The following SEMA3C variants were observed in gnomAD, a reference collection of about 807,000 sequenced individuals.
SEMA3C encodes the protein semaphorin-3C.
Under a neutral mutation model 89.4 loss-of-function variants are expected in SEMA3C, and 47 were observed. That is an observed-to-expected ratio of 0.53 (90% CI 0.42 to 0.67). The LOEUF (loss-of-function observed/expected upper bound fraction) is 0.67. SEMA3C is among the 30% of genes least tolerant of loss of function. The pLI is 0.00. For missense variants in SEMA3C, 839 were observed against 929.1 expected (o/e 0.90, Z 1.26); for synonymous variants, 310 against 320.2 (o/e 0.97, Z 0.34).
intron 5 of SEMA3C, among the ~76,000 whole-genome samples, chr7:80,815,372 G>A (rs1216528592): frequency 6.6e-6 from 1 of 151,892 alleles, no homozygotes; most frequent in East Asian, 1.9e-4. Flanking sequence ...GTGTAGGAGT[G>A]AAATATTAGA....
At position 80,865,269 on chromosome 7, in the gene SEMA3C, T is replaced by C. The variant is rs1003265653; in HGVS notation, c.104-36524A>G. On this transcript the variant is annotated intron_variant, in intron 2 of 17. Coordinates refer to ENST00000265361, the MANE Select transcript of SEMA3C (RefSeq NM_006379.5). ...CTGTATCTGTCAGAGATACAGAAAC[T>C]TTTTTTTAAAGCTTCACTCCTATGT... 5.6e-4 allele frequency among the ~76,000 whole-genome samples: 85 copies of C among 152,054 alleles called. 1 individual carries two copies. The highest frequency in any genetic ancestry group is 9.8e-4 in the Admixed American group (15 of 15,254).
intron 2 of SEMA3C, among the ~76,000 whole-genome samples, chr7:80,841,446 G>C (rs1335429491): frequency 1.3e-5 from 2 of 152,074 alleles, no homozygotes; most frequent in African/African-American, 4.8e-5. Context: ...TCAAGAATCA[G>C]GCTATGCAAA....
chr7:80,797,774 C>T (rs62460721), intron 11 of SEMA3C, among the ~76,000 whole-genome samples: 376 of 152,132 alleles, frequency 2.5e-3, no homozygotes, highest in Non-Finnish European at 4.4e-3. Context: ...CCAAGGCGGG[C>T]GGATCACGAG....
chr7:80,747,657 G>T (rs1253797647), intron 17 of SEMA3C, among the ~76,000 whole-genome samples: 1 of 152,040 alleles, frequency 6.6e-6, no homozygotes, highest in Non-Finnish European at 1.5e-5. Context: ...GAAATGTCAA[G>T]ACTTCTTTGA....
rs541297055 is a variant in SEMA3C at position 80,784,818 on chromosome 7, T to G, written c.1354+4488A>C. Among the ~76,000 whole-genome samples, 65 of 152,300 alleles carry G rather than the reference T, an allele frequency of 4.3e-4. 1 individual carries two copies. In the South Asian group the frequency reaches 8.7e-3, roughly 20 times the overall value. On this transcript the variant is annotated intron_variant, in intron 12 of 17. Coordinates refer to ENST00000265361, the MANE Select transcript of SEMA3C (RefSeq NM_006379.5). ...AATCTTCACTGCTCATGAGATATTC[T>G]GCTTTTTACTTTTTCAACCACTTAA...
At chr7:80,755,402 A>G (rs1223845947) in intron 15 of SEMA3C, among the ~76,000 whole-genome samples, 2 of 148,996 alleles carry the variant, frequency 1.3e-5, no homozygotes, top group Non-Finnish European at 3.0e-5. Context: ...GACAGTCTAT[A>G]TACAGTATGG....
intron 2 of SEMA3C, among the ~76,000 whole-genome samples, chr7:80,910,096 C>T (rs1052003151): frequency 2.0e-5 from 3 of 152,140 alleles, no homozygotes; most frequent in African/African-American, 7.2e-5. Context: ...TCTATACAAG[C>T]ACTGCTCATA....
intron 6 of SEMA3C, among the ~76,000 whole-genome samples, chr7:80,807,482 A>C (rs1461276511): frequency 6.6e-6 from 1 of 152,228 alleles, no homozygotes; most frequent in African/African-American, 2.4e-5. Flanking sequence ...TATATCAATA[A>C]GAAATTTTTG....
At chr7:80,813,645 C>T (rs1789525803) in intron 5 of SEMA3C, among the ~76,000 whole-genome samples, 1 of 152,132 alleles carries the variant, frequency 6.6e-6, no homozygotes. Flanking sequence ...TTCATCTTAT[C>T]TCGTCTTTTT....
chr7:80,852,714 T>C lies in SEMA3C; in HGVS notation c.104-23969A>G, dbSNP rs1208893473. ...TTTTTTTTGAGACAGAGTCTTACAC[T>C]GTTGCCCAGGCTAGAGTGCAGTGGC... is the stretch of plus-strand genomic sequence containing the variant. On this transcript the variant is annotated intron_variant, in intron 2 of 17. Transcript: ENST00000265361. 4.0e-5 allele frequency among the ~76,000 whole-genome samples: 6 copies of C among 148,898 alleles called. No homozygotes were observed. The Admixed American group carries it at 4.1e-4, about 10-fold the overall frequency.
chr7:80,760,194 C>CAAAAAG (rs1788154145), intron 14 of SEMA3C, among the ~76,000 whole-genome samples: 1 of 152,252 alleles, frequency 6.6e-6, no homozygotes, highest in East Asian at 1.9e-4. Context: ...TTATCCTTGC[C>CAAAAAG]TTGAATCTCA....
chr7:80,756,127 T>C lies in SEMA3C; in HGVS notation c.1643+2204A>G, dbSNP rs79622788. On this transcript the variant is annotated intron_variant, in intron 15 of 17. Coordinates refer to ENST00000265361, the MANE Select transcript of SEMA3C (RefSeq NM_006379.5). ...TCAATATCCGTGTGTGAACATCTTA[T>C]AGATACCATTCATGTAACATCCTCT... Among the ~76,000 whole-genome samples the C allele has an allele frequency of 0.018, 2,709 of 152,314 alleles. 236 individuals carry two copies. The East Asian group carries it at 0.26, about 14-fold the overall frequency.
At chr7:80,919,307 G>A (rs1792360980), upstream of SEMA3C, 1 of 985,262 alleles carries the variant, frequency 1.0e-6, no homozygotes, top group Non-Finnish European at 1.2e-6. Context: ...ATGCGCGGCC[G>A]CAGGCTGGAG....
At chr7:80,854,593 A>G (rs1583944643) in intron 2 of SEMA3C, among the ~76,000 whole-genome samples, 1 of 152,160 alleles carries the variant, frequency 6.6e-6, no homozygotes, top group Non-Finnish European at 1.5e-5. Flanking sequence ...GGGTTTTCCA[A>G]TATTTTAATA....
chr7:80,833,550 A>C (rs1185262094), intron 2 of SEMA3C, among the ~76,000 whole-genome samples: 2 of 152,128 alleles, frequency 1.3e-5, no homozygotes, highest in African/African-American at 4.8e-5. Flanking sequence ...ACATCAACTT[A>C]AGACCTTTCT....
At chr7:80,830,917 C>G (rs1789994958) in intron 2 of SEMA3C, among the ~76,000 whole-genome samples, 1 of 152,146 alleles carries the variant, frequency 6.6e-6, no homozygotes, top group Non-Finnish European at 1.5e-5. Context: ...AGAAAAAAAT[C>G]CAAGAGCTGA....
At chr7:80,810,920 C>T (rs1386826336) in intron 5 of SEMA3C, among the ~76,000 whole-genome samples, 2 of 152,124 alleles carry the variant, frequency 1.3e-5, no homozygotes, top group Admixed American at 6.5e-5. Context: ...TTCTATTGCA[C>T]TCCCCAGAGA....
chr7:80,891,364 C>A (rs1252461502), intron 2 of SEMA3C, among the ~76,000 whole-genome samples: 1 of 152,082 alleles, frequency 6.6e-6, no homozygotes, highest in African/African-American at 2.4e-5. Context: ...CCTTATCCCT[C>A]CCTCCCCCAT....
chr7:80,842,138 A>T (rs1205672928), intron 2 of SEMA3C, among the ~76,000 whole-genome samples: 1 of 152,156 alleles, frequency 6.6e-6, no homozygotes, highest in East Asian at 1.9e-4. Context: ...TCTACATAGT[A>T]ATAGAGCCAC....
Sources: allele counts gnomAD v4.1 joint callset (sites outside exome capture counted in the v4.1 genomes callset), GRCh38; gene constraint gnomAD v4.1.1; transcripts MANE v1.5; gene names NCBI Gene and HGNC (gene_info 2026-07-23, HGNC 2026-07-21).